The following MAP1B variants were observed in gnomAD, a reference collection of about 807,000 sequenced individuals.
MAP1B encodes the protein microtubule associated protein 1B, also known as microtubule-associated protein 1B.
In MAP1B, 12 loss-of-function variants were observed where a neutral mutation model predicts 176.1. That is an observed-to-expected ratio of 0.07 (90% CI 0.04 to 0.11). The LOEUF is 0.11. MAP1B is among the 10% of genes least tolerant of loss of function. The pLI, the probability that MAP1B is intolerant of heterozygous loss-of-function variation, is 1.00. For missense variants in MAP1B, 2,523 were observed against 2,990.5 expected, an observed-to-expected ratio of 0.84 and a Z score of 3.65; for synonymous variants, 1,044 against 1,135.0, an observed-to-expected ratio of 0.92 and a Z score of 1.61.
At position 72,200,027 on chromosome 5, in the gene MAP1B, C is replaced by T. The variant is rs1430955900; in HGVS notation, c.6672C>T (p.Ala2224=). 2 of 1,614,182 alleles carry T rather than the reference C, an allele frequency of 1.2e-6. No homozygotes were observed. The highest frequency in any genetic ancestry group is 1.7e-6 in the Non-Finnish European group (2 of 1,180,050). ...ATGTGTCCATGGTGGACCCAGAGGC[C>T]TTGGCCATTGAGCAGAACCTGGGCA... ...HPDVSMVDPE[A]LAIEQNLGKA... Residue 2224 remains alanine (A), a synonymous_variant, in exon 5 of 7, where the codon GCC becomes GCT. Transcript: ENST00000296755.
chr5:72,191,156 A>C (rs1747017417), intron 4 of MAP1B, among the ~76,000 whole-genome samples: 1 of 152,278 alleles, frequency 6.6e-6, no homozygotes, highest in African/African-American at 2.4e-5. Flanking sequence ...ACAGATCAAC[A>C]AACATCTACT....
chr5:72,110,729 G>GTT (rs1745317468), intron 1 of MAP1B, among the ~76,000 whole-genome samples: 1 of 152,160 alleles, frequency 6.6e-6, no homozygotes. Flanking sequence ...TTCCCCTCCT[G>GTT]CCTTAACTGA....
Position 72,154,982 on chromosome 5 carries a change from G to C in MAP1B, c.287-28761G>C, listed in dbSNP as rs186647533. Among the ~76,000 whole-genome samples, 274 of 152,310 alleles carry C rather than the reference G, an allele frequency of 1.8e-3. 1 individual carries two copies. Among genetic ancestry groups the C allele is most frequent in the African/African-American group, 5.6e-3 (233 of 41,560 alleles). On this transcript the variant is annotated intron_variant, in intron 2 of 6. Coordinates refer to ENST00000296755, the MANE Select transcript of MAP1B (RefSeq NM_005909.5). The stretch of plus-strand genomic sequence containing the variant: ...AGAAGCTAGATTATTCTAGACTCCA[G>C]ATTGAACAATGGCTTATGTATTTTT...
intron 1 of MAP1B, among the ~76,000 whole-genome samples, chr5:72,111,033 T>G (rs1745325878): frequency 6.6e-6 from 1 of 152,234 alleles, no homozygotes; most frequent in African/African-American, 2.4e-5. Context: ...CTAGCTTCAT[T>G]TATTTAGTTA....
intron 3 of MAP1B, 72 bp downstream of exon 3, chr5:72,183,897 G>A: frequency 7.4e-7 from 1 of 1,360,394 alleles, no homozygotes. Flanking sequence ...GATTAGAAGG[G>A]CTGGGCAAAT....
At chr5:72,116,229 T>C (rs955374455) in intron 2 of MAP1B, among the ~76,000 whole-genome samples, 2 of 152,184 alleles carry the variant, frequency 1.3e-5, no homozygotes, top group Non-Finnish European at 2.9e-5. Context: ...TGAATACAAA[T>C]TGGATGCTCC....
chr5:72,166,996 T>G (rs549520496), intron 2 of MAP1B, among the ~76,000 whole-genome samples: 1 of 150,320 alleles, frequency 6.7e-6, no homozygotes, highest in Admixed American at 6.7e-5. Context: ...ACATAATGTA[T>G]GCTAATTGCT....
chr5:72,148,314 C>A (rs969191921), intron 2 of MAP1B, among the ~76,000 whole-genome samples: 3 of 152,178 alleles, frequency 2.0e-5, no homozygotes, highest in Non-Finnish European at 2.9e-5. Flanking sequence ...GGGGAACAGT[C>A]CCTCAGCCCC....
rs1747469280 is a variant in MAP1B, at chr5:72,207,091, G to C, written c.*1852G>C. On this transcript the variant is annotated 3_prime_UTR_variant, in exon 7 of 7. Transcript: ENST00000296755. The stretch of plus-strand genomic sequence containing the variant: ...ATTCTCAACTCCTACGGTTCATGTA[G>C]AGTTTAGAGAAAATTTCCATCATTG... 6.6e-6 allele frequency: 1 copy of C among 152,166 alleles called. No homozygotes were observed. Among genetic ancestry groups the C allele is most frequent in the Non-Finnish European group, 1.5e-5 (1 of 68,028 alleles). 9.4% of individuals were successfully genotyped at this position (152,166 alleles called of 1,614,324 possible).
chr5:72,186,577 C>G lies in MAP1B; in HGVS notation c.370-37C>G. ...CCTGAAGGTGGGATGGCAGCACTGC[C>G]CATGGCTCAGGGCCTACGTTCTGTG... On this transcript the variant is annotated intron_variant, in intron 3 of 6. Transcript: ENST00000296755. This position sits in a 1 kb window ranked among gnomAD's most constrained non-coding sequence, Gnocchi z 4.3. The G allele has an allele frequency of 1.9e-6, 3 of 1,609,244 alleles. No homozygotes were observed. The highest frequency in any genetic ancestry group is 2.5e-6 in the Non-Finnish European group (3 of 1,177,600).
intron 1 of MAP1B, among the ~76,000 whole-genome samples, chr5:72,110,650 G>C (rs1745314811): frequency 2.0e-5 from 3 of 152,142 alleles, no homozygotes; most frequent in African/African-American, 7.2e-5. Flanking sequence ...GCTCCAGGGG[G>C]GCCAGCTCTG....
chr5:72,141,576 C>G (rs1745947058), intron 2 of MAP1B, among the ~76,000 whole-genome samples: 1 of 152,192 alleles, frequency 6.6e-6, no homozygotes, highest in African/African-American at 2.4e-5. Context: ...AAAGGCCAGG[C>G]CTTGTCCTGG....
chr5:72,118,307 G>A (rs1231262981), intron 2 of MAP1B, among the ~76,000 whole-genome samples: 1 of 151,676 alleles, frequency 6.6e-6, no homozygotes, highest in Non-Finnish European at 1.5e-5. Flanking sequence ...CACCACACCT[G>A]CCTAATTTCA....
intron 2 of MAP1B, among the ~76,000 whole-genome samples, chr5:72,165,640 G>GA (rs1308416587): frequency 1.3e-5 from 2 of 152,110 alleles, no homozygotes; most frequent in East Asian, 3.9e-4. Flanking sequence ...AAGAGGATGG[G>GA]ATGTAATGAT....
chr5:72,194,874 C>T lies in MAP1B; in HGVS notation c.1519C>T (p.His507Tyr). Reference protein sequence around the residue: ...NILEGLEKLKHLDFLKQPLAT... With the variant: ...NILEGLEKLKYLDFLKQPLAT... ...CCTGGAAGGGTTGGAAAAGCTCAAA[C>T]ATCTAGACTTTCTGAAGCAGCCACT... The change falls in exon 5 of 7, where the codon CAT (histidine) becomes TAT (tyrosine). Residue 507 changes from histidine (H) to tyrosine (Y), a missense_variant. Coordinates refer to ENST00000296755, the MANE Select transcript of MAP1B (RefSeq NM_005909.5). The surrounding 1 kb of genome is among the most constrained non-coding windows in gnomAD (Gnocchi z 7.2). The T allele has an allele frequency of 3.7e-6, 6 of 1,614,166 alleles. No individual in the cohort carries two copies. The highest frequency in any genetic ancestry group is 5.1e-6 in the Non-Finnish European group (6 of 1,180,002).
Position 72,203,683 on chromosome 5 carries a change from A to G in MAP1B, c.7133A>G (p.Lys2378Arg). ...AAGAATGTTGATGTGGAATTTTTCA[A>G]GAGAGTGCGGTCTTCCTACTACGTG... is the stretch of plus-strand genomic sequence containing the variant. ...NSKNVDVEFF[K>R]RVRSSYYVVS... The change falls in exon 6 of 7, where the codon AAG (lysine) becomes AGG (arginine). Residue 2378 changes from lysine (K) to arginine (R), a missense_variant. Lys to Arg is a conservative substitution (Grantham distance 26). Around this residue, in one of 4 missense-constraint regions of MAP1B, gnomAD observed 287 missense variants for 401.5 expected, o/e 0.71. Coordinates refer to ENST00000296755, the MANE Select transcript of MAP1B (RefSeq NM_005909.5). 1 of 1,614,152 alleles carries G rather than the reference A, an allele frequency of 6.2e-7. No individual in the cohort carries two copies. Among genetic ancestry groups the G allele is most frequent in the South Asian group, 1.1e-5 (1 of 91,068 alleles).
intron 2 of MAP1B, among the ~76,000 whole-genome samples, chr5:72,135,470 C>T (rs1429605951): frequency 6.6e-6 from 1 of 152,170 alleles, no homozygotes; most frequent in African/African-American, 2.4e-5. Flanking sequence ...CCAACTCTTA[C>T]CAGTCTTGAT....
chr5:72,174,061 T>G (rs1023431825), intron 2 of MAP1B, among the ~76,000 whole-genome samples: 4 of 152,146 alleles, frequency 2.6e-5, no homozygotes, highest in South Asian at 2.1e-4. Context: ...GCCCGGGAGG[T>G]TAAGGCTGCA....
chr5:72,164,502 C>T (rs1746390411), intron 2 of MAP1B, among the ~76,000 whole-genome samples: 6 of 152,152 alleles, frequency 3.9e-5, no homozygotes, highest in Admixed American at 3.9e-4. Flanking sequence ...TAAAAAGGGG[C>T]TGATGATGGG....
Sources: gnomAD v4.1 joint callset for allele counts (sites outside exome capture counted in the v4.1 genomes callset) on GRCh38, gnomAD v4.1.1 for gene constraint, gnomAD v4.1.1 regional missense constraint, Gnocchi (gnomAD v3.1) non-coding constraint, MANE v1.5 for transcripts, NCBI Gene and HGNC (gene_info 2026-07-23, HGNC 2026-07-21) for gene names.